Variants in GRIK1 observed in about 807,000 individuals in gnomAD.
The protein encoded by GRIK1 is glutamate receptor ionotropic, kainate 1.
GRIK1 carries 69 observed loss-of-function variants against 105.7 expected under a neutral mutation model. The observed-to-expected ratio is 0.65, with a 90% CI of 0.54 to 0.80. GRIK1 has a LOEUF of 0.80. Ranked by LOEUF, GRIK1 falls within the 30% of genes least tolerant of loss-of-function variation. GRIK1 has a pLI of 0.00. For missense variants in GRIK1, 1,109 were observed against 1,167.3 expected, an observed-to-expected ratio of 0.95 and a Z score of 0.73; for synonymous variants, 438 against 431.3, an observed-to-expected ratio of 1.02 and a Z score of -0.19.
intron 1 of GRIK1, among the ~76,000 whole-genome samples, chr21:29,871,231 C>G (rs1273764163): frequency 1.3e-5 from 2 of 152,120 alleles, no homozygotes; most frequent in African/African-American, 4.8e-5. Context: ...AGTAAAATGC[C>G]TGGAGCATGA....
chr21:29,713,400 G>A (rs1569004708), intron 1 of GRIK1, among the ~76,000 whole-genome samples: 1 of 151,580 alleles, frequency 6.6e-6, no homozygotes, highest in Non-Finnish European at 1.5e-5. Flanking sequence ...TTTCATTCTT[G>A]TAATGCCTAT....
At chr21:29,823,998 C>A (rs1028274045) in intron 1 of GRIK1, among the ~76,000 whole-genome samples, 1 of 151,860 alleles carries the variant, frequency 6.6e-6, no homozygotes, top group Non-Finnish European at 1.5e-5. Context: ...CCACTAACTT[C>A]TCTGTGGAGA....
intron 1 of GRIK1, among the ~76,000 whole-genome samples, chr21:29,917,835 A>G (rs568931873): frequency 6.6e-6 from 1 of 152,210 alleles, no homozygotes; most frequent in African/African-American, 2.4e-5. Flanking sequence ...CAGTGAAACC[A>G]AAGACATGTT....
intron 1 of GRIK1, among the ~76,000 whole-genome samples, chr21:29,757,021 G>A (rs1032267583): frequency 2.0e-5 from 3 of 152,098 alleles, no homozygotes; most frequent in African/African-American, 7.2e-5. Context: ...GAAGGCTGAG[G>A]CAGGAGACTT....
chr21:29,816,720 T>C (rs2145910844), intron 1 of GRIK1, among the ~76,000 whole-genome samples: 1 of 152,214 alleles, frequency 6.6e-6, no homozygotes, highest in East Asian at 1.9e-4. Context: ...TGTTCTCACT[T>C]ATATGTGGGA....
At chr21:29,621,802 C>G (rs2062010080) in intron 7 of GRIK1, among the ~76,000 whole-genome samples, 4 of 152,174 alleles carry the variant, frequency 2.6e-5, no homozygotes, top group Admixed American at 2.6e-4. Context: ...AGTATAGATA[C>G]AACATCCACT....
intron 1 of GRIK1, among the ~76,000 whole-genome samples, chr21:29,853,144 C>T (rs1411381841): frequency 6.6e-6 from 1 of 152,222 alleles, no homozygotes; most frequent in African/African-American, 2.4e-5. Flanking sequence ...TTTATGTTAT[C>T]TTTAACACTC....
At chr21:29,750,687 A>G (rs1372040505) in intron 1 of GRIK1, among the ~76,000 whole-genome samples, 1 of 152,150 alleles carries the variant, frequency 6.6e-6, no homozygotes, top group East Asian at 1.9e-4. Context: ...GAGAGAAGCA[A>G]AATTTGGAGA....
chr21:29,645,194 G>C (rs562829633), intron 6 of GRIK1, among the ~76,000 whole-genome samples: 1 of 152,268 alleles, frequency 6.6e-6, no homozygotes, highest in South Asian at 2.1e-4. Flanking sequence ...TACAGACAGG[G>C]AAATTGAGGC....
chr21:29,630,117 A>G (rs967848297), intron 7 of GRIK1, among the ~76,000 whole-genome samples: 2 of 152,208 alleles, frequency 1.3e-5, no homozygotes, highest in African/African-American at 4.8e-5. Flanking sequence ...GTATTCCTGA[A>G]AAGGTAGTAT....
chr21:29,932,533 C>T (rs1424330331), intron 1 of GRIK1, among the ~76,000 whole-genome samples: 1 of 151,870 alleles, frequency 6.6e-6, no homozygotes, highest in African/African-American at 2.4e-5. Flanking sequence ...TAAAAATTTT[C>T]CTCTCCAAGA....
intron 1 of GRIK1, among the ~76,000 whole-genome samples, chr21:29,771,195 T>C (rs891780841): frequency 5.3e-5 from 8 of 152,190 alleles, no homozygotes; most frequent in East Asian, 1.9e-4. Context: ...AAAAACCATG[T>C]CAACATTTTA....
intron 13 of GRIK1, among the ~76,000 whole-genome samples, chr21:29,578,067 C>T (rs891691750): frequency 2.0e-5 from 3 of 152,144 alleles, no homozygotes; most frequent in African/African-American, 7.2e-5. Flanking sequence ...TTCAATTTTG[C>T]TCAAACTCAG....
intron 1 of GRIK1, among the ~76,000 whole-genome samples, chr21:29,813,541 C>G (rs1264796398): frequency 1.3e-5 from 2 of 152,022 alleles, no homozygotes; most frequent in Non-Finnish European, 2.9e-5. Flanking sequence ...CAATATAGAA[C>G]ATTAAATTTC....
chr21:29,713,186 G>T (rs1028627575), intron 1 of GRIK1, among the ~76,000 whole-genome samples: 2 of 151,136 alleles, frequency 1.3e-5, no homozygotes, highest in African/African-American at 4.9e-5. Flanking sequence ...TGAAGGAGAT[G>T]CAGAGAGCAG....
intron 1 of GRIK1, among the ~76,000 whole-genome samples, chr21:29,937,947 A>G (rs1021511247): frequency 6.6e-6 from 1 of 152,228 alleles, no homozygotes. Context: ...AAACTATTTT[A>G]GAAAAGACTC....
intron 7 of GRIK1, among the ~76,000 whole-genome samples, chr21:29,636,789 A>T (rs2062406030): frequency 6.6e-6 from 1 of 152,210 alleles, no homozygotes; most frequent in Non-Finnish European, 1.5e-5. Flanking sequence ...CTACCAAGAT[A>T]AACTATCTGA....
intron 13 of GRIK1, among the ~76,000 whole-genome samples, chr21:29,580,101 GTGTATA>G (rs1471044514): frequency 1.4e-5 from 2 of 142,430 alleles, no homozygotes; most frequent in Non-Finnish European, 3.0e-5. Flanking sequence ...ATATATATGT[GTGTATA>G]TATACATATA....
intron 1 of GRIK1, among the ~76,000 whole-genome samples, chr21:29,739,105 A>G (rs975687422): frequency 7.9e-5 from 12 of 152,194 alleles, no homozygotes; most frequent in African/African-American, 2.4e-4. Flanking sequence ...AGTACATTGG[A>G]GAAAAAGGAC....
Sources: allele counts gnomAD v4.1 joint callset (sites outside exome capture counted in the v4.1 genomes callset), GRCh38; gene constraint gnomAD v4.1.1; transcripts MANE v1.5; gene names NCBI Gene and HGNC (gene_info 2026-07-23, HGNC 2026-07-21).